The following PCNX2 variants were observed in gnomAD, a reference collection of about 807,000 sequenced individuals.
The protein encoded by PCNX2 is pecanex 2.
PCNX2 carries 168 observed loss-of-function variants against 223.8 expected under a neutral mutation model. The observed-to-expected ratio is 0.75, with a 90% confidence interval of 0.66 to 0.85. PCNX2 has a LOEUF of 0.85. Ranked by LOEUF, PCNX2 falls within the 40% of genes least tolerant of loss-of-function variation. The probability of loss-of-function intolerance (pLI) is 0.00; values close to 1 mark genes in which losing one functional copy is unlikely to be tolerated. For missense variants in PCNX2, 2,507 were observed against 2,675.5 expected (o/e 0.94, Z 1.39); for synonymous variants, 1,006 against 1,052.6 (o/e 0.96, Z 0.86).
intron 15 of PCNX2, among the ~76,000 whole-genome samples, chr1:233,188,642 C>A (rs758753069): frequency 1.3e-5 from 2 of 152,060 alleles, no homozygotes; most frequent in Non-Finnish European, 2.9e-5. Flanking sequence ...CCTGCCTCAA[C>A]CTCCCAAGTA....
chr1:232,999,338 C>T lies in PCNX2; in HGVS notation c.5370G>A (p.Gln1790=), dbSNP rs1669990062. 1 of 1,600,190 alleles carries T rather than the reference C, an allele frequency of 6.2e-7. No individual in the cohort carries two copies. The highest frequency in any genetic ancestry group is 1.3e-5 in the African/African-American group (1 of 74,642). The change falls in exon 31 of 34, where the codon CAG becomes CAA. Residue 1790 remains glutamine, a synonymous_variant. Transcript: ENST00000258229. ...ECVRGLWAGQ[Q]QELIFLRNRN... ...GGTTGCGAAGAAATATAAGCTCCTG[C>T]TGCTGCCCGGCCCAAAGTCCTCGGA...
At position 232,990,649 on chromosome 1, in the gene PCNX2, A is replaced by C. The variant is rs937826085; in HGVS notation, c.5792-4109T>G. Among the ~76,000 whole-genome samples, 6 of 152,062 alleles carry C rather than the reference A, an allele frequency of 3.9e-5. No homozygotes were observed. The highest frequency in any genetic ancestry group is 1.4e-4 in the African/African-American group (6 of 41,394). ...TGTCTGCTGAGCCCAGATCATGCTT[A>C]CCACCCAGCCCAGCACCTCAGAGGT... On this transcript the variant is annotated intron_variant, in intron 32 of 33. Coordinates refer to ENST00000258229, the MANE Select transcript of PCNX2 (RefSeq NM_014801.4). This position sits in a 1 kb window ranked among gnomAD's most constrained non-coding sequence, Gnocchi z 4.3.
chr1:233,055,220 C>T (rs750758222), intron 24 of PCNX2, among the ~76,000 whole-genome samples: 2 of 152,156 alleles, frequency 1.3e-5, no homozygotes, highest in African/African-American at 2.4e-5. Flanking sequence ...AGTGGCTGTA[C>T]CCTATTTGCA....
intron 21 of PCNX2, among the ~76,000 whole-genome samples, chr1:233,104,179 G>GA (rs34048417): frequency 3.9e-5 from 6 of 151,966 alleles, no homozygotes; most frequent in Non-Finnish European, 7.4e-5. Context: ...TACCATGGTA[G>GA]AAAAAAGTCC....
the PCNX2 span, among the ~76,000 whole-genome samples, chr1:233,319,297 G>A: frequency 2.6e-5 from 4 of 152,108 alleles, no homozygotes; most frequent in East Asian, 3.8e-4. Context: ...ACCAATTCCC[G>A]TGGCAACTTT....
At chr1:233,034,353 C>A (rs1322060903) in intron 25 of PCNX2, among the ~76,000 whole-genome samples, 3 of 152,170 alleles carry the variant, frequency 2.0e-5, no homozygotes, top group Non-Finnish European at 4.4e-5. Context: ...TGTGAGGACA[C>A]TGCAGAAAGA....
At chr1:233,089,979 A>C (rs1282374123) in intron 23 of PCNX2, 82 bp downstream of exon 23, 1 of 1,583,096 alleles carries the variant, frequency 6.3e-7, no homozygotes, top group African/African-American at 1.4e-5. Flanking sequence ...GGAGCCAGGG[A>C]CCTCCTAACA....
At chr1:233,153,891 G>A (rs1337205364) in intron 19 of PCNX2, among the ~76,000 whole-genome samples, 1 of 152,142 alleles carries the variant, frequency 6.6e-6, no homozygotes, top group Non-Finnish European at 1.5e-5. Flanking sequence ...AAAAGCAAGA[G>A]CTCTCAGAAT....
intron 19 of PCNX2, among the ~76,000 whole-genome samples, chr1:233,158,535 T>C (rs1222876147): frequency 2.0e-5 from 3 of 152,052 alleles, no homozygotes; most frequent in African/African-American, 4.8e-5. Flanking sequence ...TAAAGTTATA[T>C]AGAAGTAAAG....
chr1:233,295,356 G>C lies in PCNX2; in HGVS notation c.123C>G (p.Phe41Leu), dbSNP rs1177603130. Residue 41 changes from phenylalanine to leucine, a missense_variant, in exon 1 of 34, where the codon TTC becomes TTG. Phe to Leu is a conservative substitution (Grantham distance 22). Coordinates refer to ENST00000258229, the MANE Select transcript of PCNX2 (RefSeq NM_014801.4). This position sits in a 1 kb window ranked among gnomAD's most constrained non-coding sequence, Gnocchi z 4.1. ...GCAGGGCCAGGGGCAGCAGCAGGAGGAACAGCCACAGGTAGAGGTGGCAGC... is the reference window on the plus strand; with the variant it reads ...GCAGGGCCAGGGGCAGCAGCAGGAGCAACAGCCACAGGTAGAGGTGGCAGC... ...TNSCHLYLWL[F>L]LLLLPLALHL... is the part of the protein sequence containing the mutation. The C allele has an allele frequency of 6.4e-7, 1 of 1,570,782 alleles. No homozygotes were observed. The highest frequency in any genetic ancestry group is 1.4e-5 in the African/African-American group (1 of 73,876).
chr1:233,149,467 A>G (rs1677662432), intron 19 of PCNX2, among the ~76,000 whole-genome samples: 1 of 143,376 alleles, frequency 7.0e-6, no homozygotes, highest in Non-Finnish European at 1.5e-5. Context: ...AGTGGGGGTG[A>G]GGCTTGAATC....
rs555432954 is a variant in PCNX2, at chr1:232,990,774, G to C, written c.5792-4234C>G. Among the ~76,000 whole-genome samples, 1 of 152,184 alleles carries C rather than the reference G, an allele frequency of 6.6e-6. No individual in the cohort carries two copies. Among genetic ancestry groups the C allele is most frequent in the Non-Finnish European group, 1.5e-5 (1 of 68,026 alleles). ...AGCTCCCACCCACTCCTGCTTGGCC[G>C]TGTGCTGGGTTCCCAGGACTCCAGA... On this transcript the variant is annotated intron_variant, in intron 32 of 33. Coordinates refer to ENST00000258229, the MANE Select transcript of PCNX2 (RefSeq NM_014801.4). This position sits in a 1 kb window ranked among gnomAD's most constrained non-coding sequence, Gnocchi z 4.3.
intron 20 of PCNX2, among the ~76,000 whole-genome samples, chr1:233,137,224 C>A (rs954924892): frequency 6.6e-6 from 1 of 152,150 alleles, no homozygotes; most frequent in Non-Finnish European, 1.5e-5. Flanking sequence ...CTGAGTTCTC[C>A]GGTTTCCTCA....
At chr1:233,244,468 G>C (rs952438447) in intron 8 of PCNX2, among the ~76,000 whole-genome samples, 3 of 152,094 alleles carry the variant, frequency 2.0e-5, no homozygotes, top group Non-Finnish European at 4.4e-5. Flanking sequence ...CCAGAACTTT[G>C]GGAAGGTGAG....
At chr1:233,112,404 C>G (rs1675165204) in intron 21 of PCNX2, among the ~76,000 whole-genome samples, 1 of 152,226 alleles carries the variant, frequency 6.6e-6, no homozygotes, top group South Asian at 2.1e-4. Flanking sequence ...GCTGAATGAG[C>G]AAGGTTTTCA....
intron 12 of PCNX2, among the ~76,000 whole-genome samples, chr1:233,209,545 T>A (rs1366122640): frequency 6.6e-6 from 1 of 152,206 alleles, no homozygotes; most frequent in Non-Finnish European, 1.5e-5. Context: ...AAGGAAGGAT[T>A]AAAGTGATAT....
intron 23 of PCNX2, among the ~76,000 whole-genome samples, chr1:233,078,243 C>A (rs1013906194): frequency 6.6e-6 from 1 of 152,204 alleles, no homozygotes; most frequent in Non-Finnish European, 1.5e-5. Flanking sequence ...GTGGAGTGTC[C>A]TGTGACAGTC....
At position 233,189,361 on chromosome 1, in the gene PCNX2, T is replaced by C. The variant is rs146581445; in HGVS notation, c.3066+9578A>G. Among the ~76,000 whole-genome samples the C allele has an allele frequency of 6.2e-4, 94 of 152,302 alleles. 1 individual carries two copies. The East Asian group carries it at 0.016, about 26-fold the overall frequency. On this transcript the variant is annotated intron_variant, in intron 15 of 33. Transcript: ENST00000258229. ...AACTGTCTTATATGCTGTGAACTGT[T>C]CTTTCAACAAGACAAATATATTTAT...
At chr1:233,212,110 T>C (rs1036499474) in intron 12 of PCNX2, among the ~76,000 whole-genome samples, 19 of 152,360 alleles carry the variant, frequency 1.2e-4, no homozygotes, top group African/African-American at 4.6e-4. Flanking sequence ...TACTTTAGCT[T>C]TAGCAGTTCA....
Sources: allele counts gnomAD v4.1 joint callset (sites outside exome capture counted in the v4.1 genomes callset), GRCh38; gene constraint gnomAD v4.1.1; non-coding constraint Gnocchi (gnomAD v3.1); transcripts MANE v1.5; gene names NCBI Gene and HGNC (gene_info 2026-07-23, HGNC 2026-07-21).